Variants in XKR6 observed in about 807,000 individuals in gnomAD.
XKR6 encodes the protein XK-related protein 6.
Under a neutral mutation model 56.7 loss-of-function variants are expected in XKR6, and 22 were observed. The observed-to-expected ratio is 0.39, with a 90% confidence interval of 0.28 to 0.55. The LOEUF is 0.55. Ranked by LOEUF, XKR6 falls within the 20% of genes least tolerant of loss-of-function variation. The pLI is 0.66. For missense variants in XKR6, 852 were observed against 889.0 expected (o/e 0.96, Z 0.53); for synonymous variants, 524 against 387.8 (o/e 1.35, Z -4.13).
Position 10,898,184 on chromosome 8 carries a change from A to C in XKR6, c.1694T>G (p.Val565Gly). ...TADTCLPVFQ[V>G]RPMGPPTPLG... is the part of the protein sequence containing the mutation. Reference sequence around the variant, plus strand: ...CGGGGTAGGGGGCCCCATGGGTCTCACTTGGAAAACAGGCAAGCAAGTGTC... The same window carrying C: ...CGGGGTAGGGGGCCCCATGGGTCTCCCTTGGAAAACAGGCAAGCAAGTGTC... The change falls in exon 3 of 3, where the codon GTG (valine) becomes GGG (glycine). Residue 565 changes from valine (V) to glycine (G), a missense_variant. Coordinates refer to ENST00000416569, the MANE Select transcript of XKR6 (RefSeq NM_173683.4). The surrounding 1 kb of genome is among the most constrained non-coding windows in gnomAD (Gnocchi z 6.6). 2 of 1,614,122 alleles carry C rather than the reference A, an allele frequency of 1.2e-6. No individual in the cohort carries two copies. Among genetic ancestry groups the C allele is most frequent in the Non-Finnish European group, 1.7e-6 (2 of 1,180,006 alleles).
At chr8:10,962,372 G>A (rs755655406) in intron 1 of XKR6, among the ~76,000 whole-genome samples, 1 of 152,170 alleles carries the variant, frequency 6.6e-6, no homozygotes, top group South Asian at 2.1e-4. Flanking sequence ...TGCTGGGCTG[G>A]GAGTCAGGCT....
At chr8:10,926,303 A>G (rs895741067) in intron 1 of XKR6, among the ~76,000 whole-genome samples, 1 of 152,176 alleles carries the variant, frequency 6.6e-6, no homozygotes, top group African/African-American at 2.4e-5. Flanking sequence ...TTACCCCAGA[A>G]CAACCCATTC....
intron 1 of XKR6, chr8:11,123,553 T>A (rs1799583811): frequency 3.8e-6 from 1 of 264,864 alleles, no homozygotes. Flanking sequence ...ATCACCAACC[T>A]CAAACTGGAA....
intron 1 of XKR6, among the ~76,000 whole-genome samples, chr8:11,074,507 C>A (rs1043607372): frequency 6.6e-6 from 1 of 152,212 alleles, no homozygotes; most frequent in African/African-American, 2.4e-5. Flanking sequence ...AGACACTATG[C>A]CGAATGTGGC....
chr8:11,078,734 C>G (rs1365737562), intron 1 of XKR6, among the ~76,000 whole-genome samples: 1 of 152,108 alleles, frequency 6.6e-6, no homozygotes, highest in Admixed American at 6.5e-5. Flanking sequence ...CTTCAGGACC[C>G]GTTAGGAAAT....
intron 2 of XKR6, among the ~76,000 whole-genome samples, chr8:10,919,883 T>C (rs1800663110): frequency 1.3e-5 from 2 of 152,202 alleles, no homozygotes; most frequent in Admixed American, 1.3e-4. Flanking sequence ...GACATCAGGC[T>C]TAAGGAAGAC....
intron 1 of XKR6, among the ~76,000 whole-genome samples, chr8:11,168,052 AC>A (rs1802177663): frequency 6.6e-6 from 1 of 152,134 alleles, no homozygotes; most frequent in South Asian, 2.1e-4. Flanking sequence ...AAAACCAAAA[AC>A]AACAAAAAAA....
At chr8:10,986,964 T>C (rs762375472) in intron 1 of XKR6, among the ~76,000 whole-genome samples, 7 of 152,036 alleles carry the variant, frequency 4.6e-5, no homozygotes, top group Non-Finnish European at 7.4e-5. Flanking sequence ...TTTAAATAGT[T>C]TTCTCTTAGA....
At chr8:11,154,677 A>C (rs970236164) in intron 1 of XKR6, among the ~76,000 whole-genome samples, 1 of 152,228 alleles carries the variant, frequency 6.6e-6, no homozygotes, top group African/African-American at 2.4e-5. Context: ...GGTATCAGTC[A>C]GTGTATTTTT....
intron 1 of XKR6, among the ~76,000 whole-genome samples, chr8:10,946,292 C>A (rs149376563): frequency 6.6e-6 from 1 of 152,018 alleles, no homozygotes; most frequent in South Asian, 2.1e-4. Flanking sequence ...GAGAAAGGAC[C>A]CCCGACCCAA....
intron 1 of XKR6, among the ~76,000 whole-genome samples, chr8:11,099,088 C>T (rs983863267): frequency 8.1e-4 from 124 of 152,282 alleles, no homozygotes; most frequent in African/African-American, 2.9e-3. Context: ...TTTTCGCCCT[C>T]CTCTGTCCAA....
chr8:11,015,360 A>T (rs6997281), intron 1 of XKR6, among the ~76,000 whole-genome samples: 1 of 151,564 alleles, frequency 6.6e-6, no homozygotes, highest in South Asian at 2.1e-4. Flanking sequence ...TTCGGTCCAG[A>T]TTTTTGAGAT....
In XKR6 at chr8:11,200,470, C is replaced by G; in HGVS notation, c.764+106G>C. The G allele has an allele frequency of 7.7e-7, 1 of 1,301,024 alleles. No homozygotes were observed. Among genetic ancestry groups the G allele is most frequent in the Non-Finnish European group, 9.8e-7 (1 of 1,021,040 alleles). The allele number at this position is 1,301,024 out of a possible 1,614,324, so 80.6% of individuals were successfully genotyped here. On this transcript the variant is annotated intron_variant, in intron 1 of 2. Transcript: ENST00000416569. This position sits in a 1 kb window ranked among gnomAD's most constrained non-coding sequence, Gnocchi z 6.4. ...GGCGGCGCGCGGCCGGTCCCTCCTT[C>G]GAGCCCCCCGCGCTGGGCCCTTTCG...
At chr8:10,949,967 G>A (rs999412339) in intron 1 of XKR6, among the ~76,000 whole-genome samples, 1 of 152,128 alleles carries the variant, frequency 6.6e-6, no homozygotes, top group African/African-American at 2.4e-5. Context: ...GCCCTCTCCT[G>A]GCTCCTCTGC....
chr8:11,155,114 G>C (rs1006385578), intron 1 of XKR6, among the ~76,000 whole-genome samples: 12 of 152,336 alleles, frequency 7.9e-5, no homozygotes, highest in African/African-American at 2.9e-4. Context: ...TGCTTCACCA[G>C]TCTTGATACT....
chr8:11,090,309 G>C (rs879836868), intron 1 of XKR6, among the ~76,000 whole-genome samples: 1 of 152,064 alleles, frequency 6.6e-6, no homozygotes, highest in East Asian at 1.9e-4. Context: ...GCTGGTCTCA[G>C]ATTCCTGGAC....
intron 1 of XKR6, among the ~76,000 whole-genome samples, chr8:11,027,363 ACTT>A (rs1170528483): frequency 2.0e-5 from 3 of 152,128 alleles, no homozygotes; most frequent in African/African-American, 7.2e-5. Context: ...ATTTCATCTT[ACTT>A]CTTTTTACTT....
intron 1 of XKR6, among the ~76,000 whole-genome samples, chr8:11,126,318 G>A (rs1189499152): frequency 6.6e-6 from 1 of 151,924 alleles, no homozygotes; most frequent in Admixed American, 6.6e-5. Context: ...CGCCCACCTC[G>A]GCCTCCCAAA....
rs764440272 is a variant in XKR6, at chr8:10,897,878, G to A, written c.*74C>T. ...GGTTCTGTGTATTGGGGGAAGGGAG[G>A]GTTATATTTCTTGCAAGTGCTGTTT... On this transcript the variant is annotated 3_prime_UTR_variant, in exon 3 of 3. Transcript: ENST00000416569. 1.1e-4 allele frequency: 160 copies of A among 1,503,834 alleles called. No homozygotes were observed. Among genetic ancestry groups the A allele is most frequent in the Non-Finnish European group, 1.3e-4 (152 of 1,129,872 alleles). 93.2% of individuals were successfully genotyped at this position (1,503,834 alleles called of 1,614,324 possible).
Sources: allele counts gnomAD v4.1 joint callset (sites outside exome capture counted in the v4.1 genomes callset), GRCh38; gene constraint gnomAD v4.1.1; non-coding constraint Gnocchi (gnomAD v3.1); transcripts MANE v1.5; gene names NCBI Gene and HGNC (gene_info 2026-07-23, HGNC 2026-07-21).